ITGA2: variants seen among roughly 807,000 people sequenced by gnomAD.
ITGA2 encodes integrin subunit alpha 2.
In ITGA2, 101 loss-of-function variants were observed where a neutral mutation model predicts 146.3. That is an observed-to-expected ratio of 0.69 (90% CI 0.59 to 0.81). The LOEUF is 0.81. Ranked by LOEUF, ITGA2 falls within the 40% of genes least tolerant of loss-of-function variation. The pLI is 0.00. For missense variants in ITGA2, 1,281 were observed against 1,402.7 expected (o/e 0.91, Z 1.39); for synonymous variants, 477 against 487.1 (o/e 0.98, Z 0.27).
chr5:53,048,997 A>G (rs1744222950), intron 6 of ITGA2, among the ~76,000 whole-genome samples: 1 of 151,198 alleles, frequency 6.6e-6, no homozygotes, highest in South Asian at 2.1e-4. Context: ...CAAGCATTAA[A>G]GGTATGGGAC....
At chr5:53,066,648 AT>A (rs1325987714) in intron 15 of ITGA2, among the ~76,000 whole-genome samples, 2 of 152,008 alleles carry the variant, frequency 1.3e-5, no homozygotes, top group East Asian at 3.9e-4. Flanking sequence ...TTCATTGATT[AT>A]TTTTTATTTC....
intron 13 of ITGA2, among the ~76,000 whole-genome samples, chr5:53,064,484 A>G (rs1745056187): frequency 6.6e-6 from 1 of 151,886 alleles, no homozygotes; most frequent in Admixed American, 6.6e-5. Flanking sequence ...TTTAATATTA[A>G]AAAATTAGTT....
At chr5:53,055,809 T>TAG in intron 8 of ITGA2, 121 bp downstream of exon 8, 1 of 1,311,620 alleles carries the variant, frequency 7.6e-7, no homozygotes. Context: ...AGAAAGTTCT[T>TAG]ACTCTATCTC....
intron 9 of ITGA2, 48 bp downstream of exon 9, chr5:53,056,197 TA>T (rs1561128759): frequency 4.8e-5 from 73 of 1,533,372 alleles, no homozygotes; most frequent in Non-Finnish European, 6.3e-5. Flanking sequence ...AATGTTTAAA[TA>T]ATTGTTTATT....
At chr5:53,033,065 C>T (rs1561105998) in intron 2 of ITGA2, among the ~76,000 whole-genome samples, 1 of 152,086 alleles carries the variant, frequency 6.6e-6, no homozygotes, top group South Asian at 2.1e-4. Context: ...GTCAGGAGTT[C>T]GAGACCAGTC....
Position 53,064,994 on chromosome 5 carries a change from C to T in ITGA2, c.1685C>T (p.Ser562Leu), listed in dbSNP as rs976945841. Residue 562 changes from serine to leucine, a missense_variant, in exon 14 of 30, where the codon TCA becomes TTA. This residue lies in a region of ITGA2 where 795 missense variants were observed against 841.7 expected (regional missense o/e 0.94). Coordinates refer to ENST00000296585, the MANE Select transcript of ITGA2 (RefSeq NM_002203.4). ...TTTGGTTCAGCAATTGCAGCTCTTT[C>T]AGACATCAACATGGATGGCTTTAAT... ...TRFGSAIAAL[S>L]DINMDGFNDV... The T allele has an allele frequency of 3.1e-6, 5 of 1,612,954 alleles. No homozygotes were observed. Among genetic ancestry groups the T allele is most frequent in the Non-Finnish European group, 3.4e-6 (4 of 1,179,258 alleles).
rs902583109 is a variant in ITGA2 at position 53,094,534 on chromosome 5, G to A, written c.*3935G>A. The stretch of plus-strand genomic sequence containing the variant: ...TGGTGTTTGATGTTTTTGATTAAAT[G>A]TGTTTTGCCTCTTTCCACAAAAACT... On this transcript the variant is annotated 3_prime_UTR_variant, in exon 30 of 30. Transcript: ENST00000296585. 5.3e-5 allele frequency: 8 copies of A among 152,088 alleles called. No homozygotes were observed. Among genetic ancestry groups the A allele is most frequent in the Admixed American group, 5.2e-4 (8 of 15,272 alleles). 9.4% of individuals were successfully genotyped at this position (152,088 alleles called of 1,614,324 possible).
At chr5:53,015,271 G>T (rs1357938910) in intron 1 of ITGA2, among the ~76,000 whole-genome samples, 1 of 152,090 alleles carries the variant, frequency 6.6e-6, no homozygotes, top group Non-Finnish European at 1.5e-5. Context: ...CTTTTGCTGT[G>T]TCCCAGAGAT....
At chr5:53,046,391 G>T (rs1014809821) in intron 4 of ITGA2, among the ~76,000 whole-genome samples, 2 of 151,876 alleles carry the variant, frequency 1.3e-5, no homozygotes, top group Admixed American at 6.6e-5. Flanking sequence ...TGTGCTGCCA[G>T]TAAGTGAATT....
At chr5:53,083,519 T>G (rs1746022794) in intron 27 of ITGA2, 66 bp downstream of exon 27, 2 of 990,742 alleles carry the variant, frequency 2.0e-6, no homozygotes, top group Non-Finnish European at 3.3e-6. Context: ...ACTGACAAGT[T>G]CTTCCCCTTT....
At chr5:53,053,142 T>C (rs780507648) in intron 7 of ITGA2, among the ~76,000 whole-genome samples, 1 of 152,174 alleles carries the variant, frequency 6.6e-6, no homozygotes, top group African/African-American at 2.4e-5. Flanking sequence ...ATGTCACACA[T>C]CTGGTCAGTG....
chr5:53,009,667 T>TTA (rs1742028639), intron 1 of ITGA2, among the ~76,000 whole-genome samples: 1 of 152,024 alleles, frequency 6.6e-6, no homozygotes, highest in Non-Finnish European at 1.5e-5. Context: ...ATTATATATT[T>TTA]TATATATATA....
intron 4 of ITGA2, among the ~76,000 whole-genome samples, chr5:53,047,975 A>G (rs1026491745): frequency 6.6e-6 from 1 of 152,218 alleles, no homozygotes. Flanking sequence ...GGTTATCCTC[A>G]TTTTACAGAT....
rs1318344823 is a variant in ITGA2, at chr5:53,049,541, A to T, written c.630+771A>T. On this transcript the variant is annotated intron_variant, in intron 6 of 29. Transcript: ENST00000296585. ...ATTTTATAGTTATTTATCATATTCC[A>T]GTTTAGCTTGCCCTTTTGCCTACAG... Among the ~76,000 whole-genome samples the T allele has an allele frequency of 3.9e-5, 6 of 152,182 alleles. No individual in the cohort carries two copies. The East Asian group carries it at 1.2e-3, about 29-fold the overall frequency.
chr5:53,075,526 C>CAG (rs1745623988), intron 23 of ITGA2, among the ~76,000 whole-genome samples: 2 of 152,038 alleles, frequency 1.3e-5, no homozygotes, highest in East Asian at 3.9e-4. Flanking sequence ...CCCAGAAAGG[C>CAG]AGAGAAAGAT....
intron 2 of ITGA2, among the ~76,000 whole-genome samples, chr5:53,035,152 TACTA>T (rs1743427156): frequency 1.3e-5 from 2 of 152,184 alleles, no homozygotes; most frequent in Non-Finnish European, 2.9e-5. Flanking sequence ...AGTTGAAAGG[TACTA>T]GCTCATGAGC....
At chr5:53,056,279 A>T in intron 9 of ITGA2, 130 bp downstream of exon 9, 1 of 700,354 alleles carries the variant, frequency 1.4e-6, no homozygotes, top group Non-Finnish European at 2.4e-6. Context: ...TCAGTAAGAG[A>T]AATGGATGAA....
At chr5:53,040,738 A>G (rs1405649852) in intron 2 of ITGA2, among the ~76,000 whole-genome samples, 2 of 152,196 alleles carry the variant, frequency 1.3e-5, no homozygotes, top group Non-Finnish European at 2.9e-5. Context: ...ATGAACGAGG[A>G]GAGAACTTAT....
In ITGA2 at chr5:53,078,473, A is replaced by C. The variant is rs569537207; in HGVS notation, c.2826-299A>C. ...TAATCTTGGGAAGACTTCTACTATC[A>C]ATTCTAAAGTAATACTTTTGTACTT... On this transcript the variant is annotated intron_variant, in intron 23 of 29. Transcript: ENST00000296585. 4.6e-5 allele frequency among the ~76,000 whole-genome samples: 7 copies of C among 152,276 alleles called. No homozygotes were observed. In the East Asian group the frequency reaches 1.4e-3, roughly 29 times the overall value.
Sources: allele counts gnomAD v4.1 joint callset (sites outside exome capture counted in the v4.1 genomes callset), GRCh38; gene constraint gnomAD v4.1.1; regional missense constraint gnomAD v4.1.1; transcripts MANE v1.5; gene names NCBI Gene and HGNC (gene_info 2026-07-23, HGNC 2026-07-21).